The following TPM4 variants were observed in gnomAD, a reference collection of about 807,000 sequenced individuals.
TPM4 encodes tropomyosin 4.
TPM4 carries 17 observed loss-of-function variants against 35.8 expected under a neutral mutation model. The observed-to-expected ratio is 0.47, with a 90% CI of 0.32 to 0.71. The LOEUF (loss-of-function observed/expected upper bound fraction) is 0.71, where lower values mean the gene tolerates loss of function less well. Ranked by LOEUF, TPM4 falls within the 30% of genes least tolerant of loss-of-function variation. TPM4 has a pLI of 0.03. For synonymous variants in TPM4, 120 were observed against 122.9 expected (o/e 0.98, Z 0.15); for missense variants, 240 against 320.9 (o/e 0.75, Z 1.93).
In TPM4 at chr19:16,092,756, G is replaced by C. The variant is rs530450957; in HGVS notation, c.532-780G>C. The stretch of plus-strand genomic sequence containing the variant: ...TCGCCATGTTGGCCAGGCTGGTCTC[G>C]AACTCCTGACCTCAAGCGATCCACC... On this transcript the variant is annotated intron_variant, in intron 5 of 7. Transcript: ENST00000643579. Among the ~76,000 whole-genome samples the C allele has an allele frequency of 9.7e-4, 147 of 152,194 alleles. 1 individual carries two copies. The highest frequency in any genetic ancestry group is 3.5e-3 in the African/African-American group (145 of 41,528).
At chr19:16,075,841 A>G, upstream of TPM4, 1 of 737,968 alleles carries the variant, frequency 1.4e-6, no homozygotes, top group Non-Finnish European at 2.1e-6. Flanking sequence ...GCTGGTCCTC[A>G]GGACGAGGGA....
intron 3 of TPM4, among the ~76,000 whole-genome samples, chr19:16,086,973 G>T (rs1436429413): frequency 6.6e-6 from 1 of 152,080 alleles, no homozygotes; most frequent in Non-Finnish European, 1.5e-5. Flanking sequence ...CCCCAGGATG[G>T]CTCTTTCAGT....
chr19:16,079,593 C>T (rs2090456482), intron 1 of TPM4: 1 of 225,288 alleles, frequency 4.4e-6, no homozygotes. Context: ...GAATCTGAGG[C>T]TGAGAAACCT....
chr19:16,086,086 C>A (rs79324593), intron 2 of TPM4, among the ~76,000 whole-genome samples: 10 of 113,420 alleles, frequency 8.8e-5, no homozygotes, highest in East Asian at 3.1e-4. Flanking sequence ...AAAAAAAAAA[C>A]CAAGATGAAG....
rs1018351487 is a variant in TPM4, at chr19:16,067,570, G to A, written c.-55G>A. ...CCCACAGCCACAGCCCCTGACTGCC[G>A]CAGCCCCCACAGAGCCCGCCGCGCA... On this transcript the variant is annotated 5_prime_UTR_variant, in exon 2 of 3. Coordinates refer to the TPM4 transcript ENST00000589897. The surrounding 1 kb of genome is among the most constrained non-coding windows in gnomAD (Gnocchi z 4.1). The A allele has an allele frequency of 8.5e-6, 13 of 1,520,496 alleles. No individual in the cohort carries two copies. The highest frequency in any genetic ancestry group is 1.1e-5 in the Non-Finnish European group (12 of 1,110,466). 94.2% of individuals were successfully genotyped at this position (1,520,496 alleles called of 1,614,324 possible).
At chr19:16,089,782 C>T (rs932536241) in intron 5 of TPM4, among the ~76,000 whole-genome samples, 4 of 151,922 alleles carry the variant, frequency 2.6e-5, no homozygotes, top group Non-Finnish European at 5.9e-5. Flanking sequence ...GATCCTCCCA[C>T]CTCAGCCACC....
Position 16,081,920 on chromosome 19 carries a change from G to A in TPM4, c.140G>A (p.Gly47Asp). The stretch of plus-strand genomic sequence containing the variant: ...CACCTCCGACCTCCCCAGGCTGAAG[G>A]TGATGTGGCCGCCCTCAACCGACGC... ...GERERREKAEGDVAALNRRIQ... is the reference protein window; with the variant it reads ...GERERREKAEDDVAALNRRIQ... Residue 47 changes from glycine to aspartate, a missense_variant, in exon 2 of 8, where the codon GGT becomes GAT. Transcript: ENST00000643579. The A allele has an allele frequency of 1.3e-6, 2 of 1,597,800 alleles. No individual in the cohort carries two copies. The highest frequency in any genetic ancestry group is 8.6e-7 in the Non-Finnish European group (1 of 1,166,994).
At chr19:16,073,963 C>CAAAACAAA (rs1568298140), upstream of TPM4, among the ~76,000 whole-genome samples, 44 of 71,870 alleles carry the variant, frequency 6.1e-4, no homozygotes, top group East Asian at 1.3e-3. Flanking sequence ...AAAAAAAACG[C>CAAAACAAA]AAAAAAAAAA....
intron 5 of TPM4, among the ~76,000 whole-genome samples, chr19:16,089,434 C>G (rs2090598784): frequency 6.6e-6 from 1 of 152,186 alleles, no homozygotes; most frequent in Admixed American, 6.5e-5. Flanking sequence ...TCACCTGATT[C>G]CCCTGGTTCC....
In TPM4 at chr19:16,076,627, C is replaced by T; in HGVS notation, c.62C>T (p.Ala21Val). The T allele has an allele frequency of 1.4e-6, 2 of 1,459,616 alleles. No homozygotes were observed. The highest frequency in any genetic ancestry group is 2.6e-5 in the Admixed American group (1 of 39,120). The allele number at this position is 1,459,616 out of a possible 1,614,324, so 90.4% of individuals were successfully genotyped here. ...AAGATCCAGGCCCTGCAGCAGCAGG[C>T]GGACGAGGCGGAAGACCGCGCGCAG... ...KRKIQALQQQ[A>V]DEAEDRAQGL... The change falls in exon 1 of 8, where the codon GCG becomes GTG. Residue 21 changes from alanine (A) to valine (V), a missense_variant. By Grantham distance (64) the Ala-to-Val change is moderately conservative. Transcript: ENST00000643579.
At chr19:16,081,848 G>A in intron 1 of TPM4, 65 bp from the exon 2 acceptor site, 1 of 1,505,400 alleles carries the variant, frequency 6.6e-7, no homozygotes, top group Non-Finnish European at 9.0e-7. Flanking sequence ...GCAGGACATG[G>A]GGGAGGCTCC....
chr19:16,093,233 T>C lies in TPM4; in HGVS notation c.532-303T>C, dbSNP rs2090650668. 1.6e-5 allele frequency: 5 copies of C among 309,894 alleles called. No individual in the cohort carries two copies. In the Admixed American group the frequency reaches 2.2e-4, roughly 14 times the overall value. The allele number at this position is 309,894 out of a possible 1,614,324, so 19.2% of individuals were successfully genotyped here. On this transcript the variant is annotated intron_variant, in intron 5 of 7. Transcript: ENST00000643579. ...TTTTTTGAGATGGAGTCTTACTCTG[T>C]CACCCAGGCTGGAGTGCAGTGGCGT...
upstream of TPM4, chr19:16,075,800 G>C: frequency 2.0e-6 from 1 of 503,762 alleles, no homozygotes; most frequent in Non-Finnish European, 3.5e-6. Context: ...GATCTCCCTA[G>C]AGTACTGGGG....
chr19:16,071,158 A>G (rs1254635772), intron 2 of TPM4, among the ~76,000 whole-genome samples: 1 of 152,230 alleles, frequency 6.6e-6, no homozygotes, highest in African/African-American at 2.4e-5. Flanking sequence ...GCAAACCTCC[A>G]TAGACTAGCA....
intron 4 of TPM4, chr19:16,088,760 A>C: frequency 2.6e-6 from 3 of 1,169,676 alleles, no homozygotes; most frequent in Non-Finnish European, 3.2e-6. Context: ...CATAGATTTC[A>C]CAAGTCCTTG....
Position 16,070,578 on chromosome 19 carries a change from C to G in TPM4, c.114+2840C>G, listed in dbSNP as rs984560398. Among the ~76,000 whole-genome samples the G allele has an allele frequency of 6.6e-6, 1 of 152,182 alleles. No individual in the cohort carries two copies. The highest frequency in any genetic ancestry group is 1.5e-5 in the Non-Finnish European group (1 of 68,012). On this transcript the variant is annotated intron_variant, in intron 2 of 2. Transcript: ENST00000589897. The surrounding 1 kb of genome is among the most constrained non-coding windows in gnomAD (Gnocchi z 7.4). ...TGGCTCAGTCGCTAGGTGTCCCGGA[C>G]GCCTGCATGAGTGAGATACGGAAGT...
intron 2 of TPM4, 54 bp downstream of exon 2, chr19:16,082,100 T>C (rs2090491172): frequency 3.2e-6 from 5 of 1,563,320 alleles, no homozygotes; most frequent in Non-Finnish European, 3.5e-6. Flanking sequence ...AAAATGGGGA[T>C]CATGCTGCCG....
chr19:16,079,659 TC>T (rs888359557), intron 1 of TPM4: 27 of 210,698 alleles, frequency 1.3e-4, no homozygotes, highest in African/African-American at 5.9e-4. Context: ...TATTTTTTTT[TC>T]CCCCAGTATG....
At chr19:16,076,168 C>G, upstream of TPM4, 1 of 1,557,544 alleles carries the variant, frequency 6.4e-7, no homozygotes, top group South Asian at 1.2e-5. Flanking sequence ...AAGAAGGCCT[C>G]CGACGTACGT....
Sources: allele counts gnomAD v4.1 joint callset (sites outside exome capture counted in the v4.1 genomes callset), GRCh38; gene constraint gnomAD v4.1.1; non-coding constraint Gnocchi (gnomAD v3.1); transcripts MANE v1.5; gene names NCBI Gene and HGNC (gene_info 2026-07-23, HGNC 2026-07-21).